The following WASHC5 variants were observed in gnomAD, a reference collection of about 807,000 sequenced individuals.
WASHC5 encodes WASH complex subunit strumpellin.
In WASHC5, 101 loss-of-function variants were observed where a neutral mutation model predicts 150.4. The observed-to-expected ratio is 0.67, with a 90% CI of 0.57 to 0.79. The LOEUF (loss-of-function observed/expected upper bound fraction) is 0.79. Among genes scored for constraint, WASHC5 ranks in the 30% least tolerant of loss-of-function variants. WASHC5 has a pLI of 0.00. For synonymous variants in WASHC5, 467 were observed against 491.2 expected (o/e 0.95, Z 0.65); for missense variants, 1,195 against 1,396.3 (o/e 0.86, Z 2.30).
In WASHC5 at chr8:125,073,023, C is replaced by T. The variant is rs1286520335; in HGVS notation, c.1150+130G>A. 3 of 996,370 alleles carry T rather than the reference C, an allele frequency of 3.0e-6. No homozygotes were observed. In the Admixed American group the frequency reaches 5.9e-5, roughly 20 times the overall value. The allele number at this position is 996,370 out of a possible 1,614,324, so 61.7% of individuals were successfully genotyped here. A position where few individuals can be genotyped will look rare whatever the true frequency, so the allele number is the denominator to read the frequency against. On this transcript the variant is annotated intron_variant, in intron 9 of 28. Coordinates refer to ENST00000318410, the MANE Select transcript of WASHC5 (RefSeq NM_014846.4). ...ATCCAAGTTGACAAAAAATGACTAA[C>T]TTTAAAAAGCAACTTGATTCTCATC...
chr8:125,088,444 G>C (rs866851717), intron 1 of WASHC5, among the ~76,000 whole-genome samples: 3 of 151,358 alleles, frequency 2.0e-5, no homozygotes, highest in Admixed American at 1.3e-4. Flanking sequence ...AAAGGGGGAG[G>C]GGGGGAAGGA....
intron 9 of WASHC5, among the ~76,000 whole-genome samples, chr8:125,069,029 G>A (rs1242731173): frequency 1.3e-5 from 2 of 152,234 alleles, no homozygotes; most frequent in African/African-American, 4.8e-5. Flanking sequence ...GTTTCAATGC[G>A]TCTTCCAAAA....
intron 26 of WASHC5, 125 bp from the exon 27 acceptor site, chr8:125,032,519 G>T: frequency 1.8e-6 from 2 of 1,094,488 alleles, no homozygotes; most frequent in Non-Finnish European, 2.8e-6. Flanking sequence ...ATATTTTGGA[G>T]GGAATGACAA....
Position 125,057,588 on chromosome 8 carries a change from A to C in WASHC5, c.1843T>G (p.Tyr615Asp), listed in dbSNP as rs1422903801. ...ACATAGGATACCAACTCTCCAGAAT[A>C]GTACTGTGACACGCTGAGCAGGTCG... ...SPDLLSVSQYYSGELVSYVRK... is the reference protein window; with the variant it reads ...SPDLLSVSQYDSGELVSYVRK... Residue 615 changes from tyrosine to aspartate, a missense_variant, in exon 15 of 29, where the codon TAT becomes GAT. Tyr to Asp is a radical substitution (Grantham distance 160). Transcript: ENST00000318410. 6.2e-7 allele frequency: 1 copy of C among 1,613,348 alleles called. No homozygotes were observed. Among genetic ancestry groups the C allele is most frequent in the Non-Finnish European group, 8.5e-7 (1 of 1,179,374 alleles).
At chr8:125,032,711 A>T (rs1815577507) in intron 26 of WASHC5, 1 of 365,578 alleles carries the variant, frequency 2.7e-6, no homozygotes, top group Admixed American at 4.0e-5. Flanking sequence ...AAATGAGAAA[A>T]AAAATCACTA....
chr8:125,066,074 G>A (rs999742532), intron 10 of WASHC5, among the ~76,000 whole-genome samples: 7 of 152,094 alleles, frequency 4.6e-5, no homozygotes, highest in Non-Finnish European at 1.0e-4. Flanking sequence ...AGACGGTAGG[G>A]ACACATTTTG....
In WASHC5 at chr8:125,065,104, G is replaced by C. The variant is rs1430604467; in HGVS notation, c.1279-1453C>G. On this transcript the variant is annotated intron_variant, in intron 10 of 28. Coordinates refer to ENST00000318410, the MANE Select transcript of WASHC5 (RefSeq NM_014846.4). ...AACTCACAGGTTTCACATCTCACAG[G>C]ATGGAATTTGGGATAGGGGATGGTC... 2.6e-5 allele frequency among the ~76,000 whole-genome samples: 4 copies of C among 152,138 alleles called. No individual in the cohort carries two copies. The East Asian group carries it at 7.7e-4, about 29-fold the overall frequency.
chr8:125,075,173 T>C lies in WASHC5; in HGVS notation c.865-62A>G, dbSNP rs1817015384. The C allele has an allele frequency of 8.7e-6, 9 of 1,030,532 alleles. No homozygotes were observed. In the Admixed American group the frequency reaches 1.2e-4, roughly 14 times the overall value. 63.8% of individuals were successfully genotyped at this position (1,030,532 alleles called of 1,614,324 possible). A position where few individuals can be genotyped will look rare whatever the true frequency, so the allele number is the denominator to read the frequency against. Reference sequence around the variant, plus strand: ...ACTCACTTCAAGGCAAAGGGTTGAATACTAAAGTTATAGAAGGCAATACCC... The same window carrying C: ...ACTCACTTCAAGGCAAAGGGTTGAACACTAAAGTTATAGAAGGCAATACCC... On this transcript the variant is annotated intron_variant, in intron 7 of 28. Coordinates refer to ENST00000318410, the MANE Select transcript of WASHC5 (RefSeq NM_014846.4).
In WASHC5 at chr8:125,075,036, A is replaced by C; in HGVS notation, c.940T>G (p.Leu314Val). Residue 314 changes from leucine to valine, a missense_variant, in exon 8 of 29, where the codon TTA becomes GTA. Coordinates refer to ENST00000318410, the MANE Select transcript of WASHC5 (RefSeq NM_014846.4). Reference sequence around the variant, plus strand: ...TTTGAAAGGTCCAGGGTATTATTTAAAGCAGTTTTTGCAGCTTTGTAAGGT... The same window carrying C: ...TTTGAAAGGTCCAGGGTATTATTTACAGCAGTTTTTGCAGCTTTGTAAGGT... ...WEPYKAAKTALNNTLDLSNVR... is the reference protein window; with the variant it reads ...WEPYKAAKTAVNNTLDLSNVR... The C allele has an allele frequency of 6.2e-7, 1 of 1,612,808 alleles. No homozygotes were observed. The highest frequency in any genetic ancestry group is 8.5e-7 in the Non-Finnish European group (1 of 1,178,952).
intron 12 of WASHC5, among the ~76,000 whole-genome samples, chr8:125,059,973 T>C (rs1033658993): frequency 1.3e-5 from 2 of 152,202 alleles, no homozygotes; most frequent in African/African-American, 4.8e-5. Context: ...ACAAGCAAAG[T>C]AGAAATAATA....
chr8:125,030,453 A>G (rs1452302688), intron 27 of WASHC5, among the ~76,000 whole-genome samples: 2 of 152,154 alleles, frequency 1.3e-5, no homozygotes, highest in African/African-American at 4.8e-5. Flanking sequence ...TGTTCGATTC[A>G]TTAACTAAGA....
intron 23 of WASHC5, among the ~76,000 whole-genome samples, chr8:125,042,853 A>G (rs1480248782): frequency 6.6e-6 from 1 of 152,182 alleles, no homozygotes; most frequent in Non-Finnish European, 1.5e-5. Context: ...CTGTTTAATG[A>G]TCCAAACAAC....
intron 1 of WASHC5, among the ~76,000 whole-genome samples, chr8:125,090,758 G>T (rs971555583): frequency 2.0e-5 from 3 of 152,182 alleles, no homozygotes; most frequent in Non-Finnish European, 4.4e-5. Context: ...AAGAAGGCAG[G>T]TCTATTTTTA....
chr8:125,049,327 G>A (rs1816168243), intron 18 of WASHC5, 142 bp from the exon 19 acceptor site: 2 of 853,716 alleles, frequency 2.3e-6, no homozygotes, highest in Admixed American at 4.0e-5. Context: ...GGGAGGCTTA[G>A]GCAGGAAGAT....
chr8:125,081,874 A>G, intron 4 of WASHC5, 113 bp from the exon 5 acceptor site: 1 of 736,412 alleles, frequency 1.4e-6, no homozygotes, highest in Non-Finnish European at 2.4e-6. Flanking sequence ...AAAGTTTTAG[A>G]TTTCAAGGAA....
chr8:125,088,882 G>C (rs531316775), intron 1 of WASHC5, among the ~76,000 whole-genome samples: 24 of 152,148 alleles, frequency 1.6e-4, no homozygotes, highest in African/African-American at 5.1e-4. Context: ...ACAAGTAAGT[G>C]CAAAGGCCCC....
intron 23 of WASHC5, among the ~76,000 whole-genome samples, chr8:125,040,165 A>G (rs541925538): frequency 2.4e-4 from 37 of 152,168 alleles, no homozygotes; most frequent in African/African-American, 8.4e-4. Flanking sequence ...GTGATCTATT[A>G]ATGTTCAGTT....
chr8:125,074,884 T>C, intron 8 of WASHC5, 114 bp downstream of exon 8: 1 of 748,336 alleles, frequency 1.3e-6, no homozygotes, highest in Non-Finnish European at 2.4e-6. Flanking sequence ...AATCATTGCA[T>C]TAAATTATCT....
At chr8:125,024,743 AG>A (rs1302425289) in intron 28 of WASHC5, 70 bp from the exon 29 acceptor site, 1 of 1,040,024 alleles carries the variant, frequency 9.6e-7, no homozygotes, top group Non-Finnish European at 1.5e-6. Context: ...CATACGTAAA[AG>A]AAAAGATATC....
Sources: allele counts gnomAD v4.1 joint callset (sites outside exome capture counted in the v4.1 genomes callset), GRCh38; gene constraint gnomAD v4.1.1; transcripts MANE v1.5; gene names NCBI Gene and HGNC (gene_info 2026-07-23, HGNC 2026-07-21).